The following TNNI1 variants were observed in gnomAD, a reference collection of about 807,000 sequenced individuals.
The protein encoded by TNNI1 is troponin I1, slow skeletal type.
A neutral mutation model predicts 26.7 loss-of-function variants in TNNI1; 14 were observed. The observed-to-expected ratio is 0.52, with a 90% CI of 0.35 to 0.82. The LOEUF (loss-of-function observed/expected upper bound fraction) is 0.82, where lower values mean the gene tolerates loss of function less well. Among genes scored for constraint, TNNI1 ranks in the 40% least tolerant of loss-of-function variants. The pLI is 0.01. For missense variants in TNNI1, 164 were observed against 257.0 expected (o/e 0.64, Z 2.47); for synonymous variants, 79 against 98.2 (o/e 0.80, Z 1.16).
chr1:201,419,550 T>A (rs1662819885), intron 1 of TNNI1, among the ~76,000 whole-genome samples: 2 of 152,340 alleles, frequency 1.3e-5, no homozygotes, highest in South Asian at 4.1e-4. Flanking sequence ...AAGAACCTTG[T>A]TGTGGGGTCT....
intron 1 of TNNI1, among the ~76,000 whole-genome samples, chr1:201,418,400 G>A (rs565255216): frequency 5.2e-4 from 79 of 151,384 alleles, no homozygotes; most frequent in South Asian, 4.2e-4. Flanking sequence ...CCCAGGAGGC[G>A]GAGGTTACAG....
At position 201,420,601 on chromosome 1, in the gene TNNI1, G is replaced by T. The variant is rs542570288; in HGVS notation, c.-20+1072C>A. Among the ~76,000 whole-genome samples, 251 of 152,146 alleles carry T rather than the reference G, an allele frequency of 1.6e-3. 2 individuals are homozygous for T. Among genetic ancestry groups the T allele is most frequent in the African/African-American group, 5.8e-3 (240 of 41,486 alleles). On this transcript the variant is annotated intron_variant, in intron 1 of 8. Coordinates refer to ENST00000361379, the MANE Select transcript of TNNI1 (RefSeq NM_003281.4). ...AGAGTGTGAGTGTGAGAGAGAGAGC[G>T]TGTATATGTAGGGGAAAGAACTGAT...
intron 5 of TNNI1, 136 bp downstream of exon 5, chr1:201,414,382 C>A: frequency 1.4e-6 from 1 of 702,718 alleles, no homozygotes; most frequent in Admixed American, 3.3e-5. Flanking sequence ...TTAAATGAGA[C>A]CATGTAAGGG....
At position 201,410,417 on chromosome 1, in the gene TNNI1, C is replaced by A; in HGVS notation, c.475G>T (p.Gly159Cys). 1 of 1,614,166 alleles carries A rather than the reference C, an allele frequency of 6.2e-7. No homozygotes were observed. The highest frequency in any genetic ancestry group is 8.5e-7 in the Non-Finnish European group (1 of 1,180,030). Residue 159 changes from glycine (G) to cysteine (C), a missense_variant, in exon 8 of 9, where the codon GGT (glycine) becomes TGT (cysteine). Gly to Cys is a radical substitution (Grantham distance 159). Around this residue, in one of 3 missense-constraint regions of TNNI1, gnomAD observed 43 missense variants for 74.3 expected, o/e 0.58. Transcript: ENST00000361379. Reference sequence around the variant, plus strand: ...GCCTCCACGTTCTTCCTCCAGTCACCCACCTCCACAGGCCGCTCCTGTAGA... The same window carrying A: ...GCCTCCACGTTCTTCCTCCAGTCACACACCTCCACAGGCCGCTCCTGTAGA... ...DTEKERPVEV[G>C]DWRKNVEAMS...
At chr1:201,410,889 G>A (rs1662621962) in intron 7 of TNNI1, among the ~76,000 whole-genome samples, 1 of 152,180 alleles carries the variant, frequency 6.6e-6, no homozygotes, top group East Asian at 1.9e-4. Flanking sequence ...GTTCCTTACA[G>A]AGCCTATCAA....
At position 201,408,058 on chromosome 1, in the gene TNNI1, A is replaced by C. The variant is rs1054035633; in HGVS notation, c.*1195T>G. ...ACTCCATCTCAAAAAAAAAAAAAAA[A>C]GGAAAAAGAAAAGTCAGAACTTTGG... On this transcript the variant is annotated 3_prime_UTR_variant, in exon 9 of 9. Transcript: ENST00000361379. The C allele has an allele frequency of 5.2e-4, 77 of 147,746 alleles. No homozygotes were observed. The highest frequency in any genetic ancestry group is 1.9e-3 in the African/African-American group (75 of 40,538). The allele number at this position is 147,746 out of a possible 1,614,324, so 9.2% of individuals were successfully genotyped here.
chr1:201,416,873 C>T (rs1055185242), intron 3 of TNNI1, among the ~76,000 whole-genome samples: 4 of 152,182 alleles, frequency 2.6e-5, no homozygotes, highest in Non-Finnish European at 1.5e-5. Context: ...AATACCAGTC[C>T]TTCCAGTGAC....
At position 201,404,922 on chromosome 1, in the gene TNNI1, C is replaced by G. The variant is rs1462144718; in HGVS notation, c.*4331G>C. On this transcript the variant is annotated 3_prime_UTR_variant, in exon 9 of 9. Transcript: ENST00000361379. Reference sequence around the variant, plus strand: ...CACACACGCTCCTCCCCCAGGGGCTCCCAGGTTGGAACACCTCCCCTGACT... The same window carrying G: ...CACACACGCTCCTCCCCCAGGGGCTGCCAGGTTGGAACACCTCCCCTGACT... 4 of 152,498 alleles carry G rather than the reference C, an allele frequency of 2.6e-5. No individual in the cohort carries two copies. The highest frequency in any genetic ancestry group is 5.9e-5 in the Non-Finnish European group (4 of 68,228). 9.4% of individuals were successfully genotyped at this position (152,498 alleles called of 1,614,324 possible).
chr1:201,415,394 C>G lies in TNNI1; in HGVS notation c.16-140G>C, dbSNP rs982935609. The G allele has an allele frequency of 2.4e-5, 20 of 850,788 alleles. 1 individual carries two copies. The Middle Eastern group carries it at 9.0e-4, about 38-fold the overall frequency. 52.7% of individuals were successfully genotyped at this position (850,788 alleles called of 1,614,324 possible). A position where few individuals can be genotyped will look rare whatever the true frequency, so the allele number is the denominator to read the frequency against. On this transcript the variant is annotated intron_variant, in intron 3 of 8. Transcript: ENST00000361379. The stretch of plus-strand genomic sequence containing the variant: ...TGCTCACCCTACGGTGCCTTAAAAG[C>G]TCATCTTTGTTATTTAACCTCTGCA...
intron 2 of TNNI1, among the ~76,000 whole-genome samples, chr1:201,417,531 A>G (rs1036299493): frequency 6.6e-6 from 1 of 152,122 alleles, no homozygotes; most frequent in Admixed American, 6.5e-5. Flanking sequence ...CATGTGATAG[A>G]TCAAGACAGG....
At chr1:201,413,254 C>G in intron 5 of TNNI1, 133 bp from the exon 6 acceptor site, 2 of 895,108 alleles carry the variant, frequency 2.2e-6, no homozygotes, top group South Asian at 2.9e-5. Context: ...CTCCTCCACT[C>G]TGAGGCTCAT....
intron 7 of TNNI1, 132 bp from the exon 8 acceptor site, chr1:201,410,567 G>A: frequency 2.7e-6 from 2 of 729,668 alleles, no homozygotes; most frequent in Non-Finnish European, 4.5e-6. Flanking sequence ...AGCTGGTAAG[G>A]TCCTAGGACT....
chr1:201,417,369 C>T (rs781264639), intron 2 of TNNI1, among the ~76,000 whole-genome samples: 5 of 152,184 alleles, frequency 3.3e-5, no homozygotes, highest in East Asian at 3.9e-4. Context: ...TACTGGGCAT[C>T]GTAAGTTGGG....
Position 201,407,411 on chromosome 1 carries a change from G to A in TNNI1, c.*1842C>T, listed in dbSNP as rs1294101919. 1 of 152,234 alleles carries A rather than the reference G, an allele frequency of 6.6e-6. No individual in the cohort carries two copies. The highest frequency in any genetic ancestry group is 2.4e-5 in the African/African-American group (1 of 41,456). The allele number at this position is 152,234 out of a possible 1,614,324, so 9.4% of individuals were successfully genotyped here. On this transcript the variant is annotated 3_prime_UTR_variant, in exon 9 of 9. Coordinates refer to ENST00000361379, the MANE Select transcript of TNNI1 (RefSeq NM_003281.4). ...GACCTATTTATAGCAAGAACCCTGG[G>A]CAGAGTGCTGCTTCCCCTAAGGTAG...
In TNNI1 at chr1:201,411,548, C is replaced by A. The variant is rs184598569; in HGVS notation, c.280-15G>T. 16 of 1,550,534 alleles carry A rather than the reference C, an allele frequency of 1.0e-5. No individual in the cohort carries two copies. The South Asian group carries it at 1.8e-4, about 18-fold the overall frequency. On this transcript the variant is annotated splice_polypyrimidine_tract_variant and intron_variant, in intron 6 of 8. Transcript: ENST00000361379. This position sits in a 1 kb window ranked among gnomAD's most constrained non-coding sequence, Gnocchi z 4.6. Reference sequence around the variant, plus strand: ...AGGTCCTTAATCTGTAGGTGAGAAGCGCCCGGGGCTCACTGGAGAGGCAGC... The same window carrying A: ...AGGTCCTTAATCTGTAGGTGAGAAGAGCCCGGGGCTCACTGGAGAGGCAGC...
chr1:201,417,102 CA>C lies in TNNI1; in HGVS notation c.15+13del. ...AGAGTTAACCAAGACAGAGATACCC[CA>C]AATATCACTTACCTCGCTTCAGGCA... On this transcript the variant is annotated intron_variant, in intron 3 of 8. Coordinates refer to ENST00000361379, the MANE Select transcript of TNNI1 (RefSeq NM_003281.4). The C allele has an allele frequency of 1.9e-6, 3 of 1,614,164 alleles. No homozygotes were observed. Among genetic ancestry groups the C allele is most frequent in the South Asian group, 2.2e-5 (2 of 91,082 alleles).
intron 6 of TNNI1, among the ~76,000 whole-genome samples, 189 bp downstream of exon 6, chr1:201,412,843 T>C (rs1182595625): frequency 6.6e-6 from 1 of 152,212 alleles, no homozygotes; most frequent in African/African-American, 2.4e-5. Context: ...GTTTGTACTT[T>C]TCATGTGTGA....
intron 3 of TNNI1, 35 bp downstream of exon 3, chr1:201,417,081 T>C: frequency 6.2e-7 from 1 of 1,613,970 alleles, no homozygotes; most frequent in Non-Finnish European, 8.5e-7. Context: ...GTCGTTAGAG[T>C]TAACCAAGAC....
At chr1:201,415,359 C>G (rs1020118788) in intron 3 of TNNI1, 105 bp from the exon 4 acceptor site, 2 of 1,205,618 alleles carry the variant, frequency 1.7e-6, no homozygotes, top group Non-Finnish European at 2.4e-6. Flanking sequence ...TATCTTTATC[C>G]GGAATCCTCT....
Sources: gnomAD v4.1 joint callset for allele counts (sites outside exome capture counted in the v4.1 genomes callset) on GRCh38, gnomAD v4.1.1 for gene constraint, gnomAD v4.1.1 regional missense constraint, Gnocchi (gnomAD v3.1) non-coding constraint, MANE v1.5 for transcripts, NCBI Gene and HGNC (gene_info 2026-07-23, HGNC 2026-07-21) for gene names.